LRRC7: variants seen among roughly 807,000 people sequenced by gnomAD.
LRRC7 encodes leucine-rich repeat-containing protein 7.
LRRC7 carries 23 observed loss-of-function variants against 175.7 expected under a neutral mutation model. The ratio of observed to expected loss-of-function variants is 0.13; its 90% confidence interval spans 0.09 to 0.19. The LOEUF (loss-of-function observed/expected upper bound fraction) is 0.19. Ranked by LOEUF, LRRC7 falls within the 10% of genes least tolerant of loss-of-function variation. LRRC7 has a pLI of 1.00. For synonymous variants in LRRC7, 685 were observed against 680.9 expected (o/e 1.01, Z -0.09); for missense variants, 1,354 against 1,904.7 (o/e 0.71, Z 5.38).
chr1:69,624,854 C>G (rs1312868024), intron 1 of LRRC7, among the ~76,000 whole-genome samples: 2 of 152,068 alleles, frequency 1.3e-5, no homozygotes, highest in Non-Finnish European at 2.9e-5. Context: ...TTTCATTGAT[C>G]TATTTCTCAG....
At chr1:69,754,991 A>C (rs1000839806) in intron 2 of LRRC7, among the ~76,000 whole-genome samples, 4 of 152,022 alleles carry the variant, frequency 2.6e-5, no homozygotes, top group African/African-American at 9.7e-5. Context: ...TGTAACTCTC[A>C]GTGTCTGGGT....
At chr1:69,776,519 C>G (rs1338036411) in intron 3 of LRRC7, among the ~76,000 whole-genome samples, 1 of 152,044 alleles carries the variant, frequency 6.6e-6, no homozygotes, top group African/African-American at 2.4e-5. Flanking sequence ...GATATGTATC[C>G]CTTCTATGCA....
chr1:70,134,493 A>T lies in LRRC7; in HGVS notation c.*12606A>T, dbSNP rs79117577. ...CTAATTCCATCAAAGCCCTACTTAT[A>T]TGGGTTTCAGGTGTTCCCCTGCCAA... On this transcript the variant is annotated 3_prime_UTR_variant, in exon 27 of 27. Coordinates refer to ENST00000651989, the MANE Select transcript of LRRC7 (RefSeq NM_001370785.2). 1.2e-4 allele frequency among the ~76,000 whole-genome samples: 18 copies of T among 152,254 alleles called. No homozygotes were observed. The East Asian group carries it at 3.5e-3, about 29-fold the overall frequency.
chr1:69,648,012 T>A (rs1655248140), intron 1 of LRRC7, among the ~76,000 whole-genome samples: 1 of 152,190 alleles, frequency 6.6e-6, no homozygotes, highest in South Asian at 2.1e-4. Flanking sequence ...AAAGTTTATC[T>A]AGTAATCCTT....
At chr1:69,900,242 T>C (rs1291610186) in intron 7 of LRRC7, among the ~76,000 whole-genome samples, 1 of 152,116 alleles carries the variant, frequency 6.6e-6, no homozygotes, top group Non-Finnish European at 1.5e-5. Flanking sequence ...AGAGAGTCAA[T>C]AGTTTTTATG....
chr1:69,875,789 T>C (rs1401054920), intron 7 of LRRC7, among the ~76,000 whole-genome samples: 2 of 152,116 alleles, frequency 1.3e-5, no homozygotes. Context: ...TGTATTGAAC[T>C]GTCTTTTATA....
intron 8 of LRRC7, among the ~76,000 whole-genome samples, chr1:69,976,656 A>G (rs1652850963): frequency 6.6e-6 from 1 of 152,068 alleles, no homozygotes; most frequent in South Asian, 2.1e-4. Flanking sequence ...CCTGTGTAGG[A>G]TGCTCTTGTT....
At chr1:69,911,420 A>G (rs949726380) in intron 7 of LRRC7, among the ~76,000 whole-genome samples, 11 of 152,164 alleles carry the variant, frequency 7.2e-5, no homozygotes, top group African/African-American at 2.4e-4. Context: ...CCCCATCAAC[A>G]GTGTTTAAGT....
intron 23 of LRRC7, among the ~76,000 whole-genome samples, chr1:70,070,871 G>A (rs1662332299): frequency 6.6e-6 from 1 of 152,156 alleles, no homozygotes; most frequent in Non-Finnish European, 1.5e-5. Flanking sequence ...GGTAGGACTG[G>A]AAGTCCAAGC....
intron 7 of LRRC7, among the ~76,000 whole-genome samples, chr1:69,918,756 A>C (rs1387714443): frequency 6.6e-6 from 1 of 152,180 alleles, no homozygotes; most frequent in Non-Finnish European, 1.5e-5. Context: ...TAGTGATGAT[A>C]ATTAAAAACT....
At chr1:69,676,809 G>A (rs1659831561) in intron 1 of LRRC7, among the ~76,000 whole-genome samples, 2 of 151,908 alleles carry the variant, frequency 1.3e-5, no homozygotes, top group Admixed American at 1.3e-4. Flanking sequence ...AGCTTTAGGG[G>A]TACAAGTGGG....
chr1:70,003,114 C>T (rs1164278158), intron 11 of LRRC7, among the ~76,000 whole-genome samples: 4 of 152,064 alleles, frequency 2.6e-5, no homozygotes, highest in Admixed American at 6.6e-5. Flanking sequence ...GGCTTGTAGG[C>T]GACCACCATG....
At chr1:69,750,484 G>A (rs937950550) in intron 2 of LRRC7, among the ~76,000 whole-genome samples, 4 of 152,120 alleles carry the variant, frequency 2.6e-5, no homozygotes, top group African/African-American at 9.7e-5. Context: ...AAGGTATCTA[G>A]AAAACATTGG....
intron 4 of LRRC7, among the ~76,000 whole-genome samples, chr1:69,806,303 A>T (rs931990894): frequency 2.6e-5 from 4 of 151,982 alleles, no homozygotes; most frequent in African/African-American, 9.7e-5. Flanking sequence ...GCAGAGAGAG[A>T]GAAAGAGAGC....
At chr1:69,573,411 C>A (rs1367915241) in intron 1 of LRRC7, among the ~76,000 whole-genome samples, 3 of 152,076 alleles carry the variant, frequency 2.0e-5, no homozygotes, top group Admixed American at 6.6e-5. Flanking sequence ...TGATAATACA[C>A]CCTATTATTT....
At chr1:70,012,682 TATATG>T (rs1424124360) in intron 12 of LRRC7, among the ~76,000 whole-genome samples, 1 of 151,610 alleles carries the variant, frequency 6.6e-6, no homozygotes, top group African/African-American at 2.4e-5. Context: ...CAGACAAAAT[TATATG>T]ATATATGAAA....
At chr1:69,832,033 A>G (rs1041568259) in intron 5 of LRRC7, among the ~76,000 whole-genome samples, 2 of 152,206 alleles carry the variant, frequency 1.3e-5, no homozygotes, top group African/African-American at 4.8e-5. Context: ...AATCAGTATG[A>G]AAATATAAAT....
chr1:69,840,516 T>C (rs1225474914), intron 7 of LRRC7, among the ~76,000 whole-genome samples: 2 of 152,084 alleles, frequency 1.3e-5, no homozygotes. Flanking sequence ...ATCTTTTAAG[T>C]TTATATGCTT....
At chr1:70,033,368 G>A (rs1408690887) in intron 18 of LRRC7, among the ~76,000 whole-genome samples, 1 of 152,150 alleles carries the variant, frequency 6.6e-6, no homozygotes, top group Non-Finnish European at 1.5e-5. Flanking sequence ...AATATAGATA[G>A]AGTGTTTAGC....
Sources: gnomAD v4.1 joint callset for allele counts (sites outside exome capture counted in the v4.1 genomes callset) on GRCh38, gnomAD v4.1.1 for gene constraint, MANE v1.5 for transcripts, NCBI Gene and HGNC (gene_info 2026-07-23, HGNC 2026-07-21) for gene names.